The following ECM2 variants were observed in gnomAD, a reference collection of about 807,000 sequenced individuals.
ECM2 encodes the protein extracellular matrix protein 2, also known as extracellular matrix protein 2, female organ and adipocyte specific.
ECM2 carries 57 observed loss-of-function variants against 67.5 expected under a neutral mutation model. That is an observed-to-expected ratio of 0.84 (90% CI 0.68 to 1.05). The LOEUF (loss-of-function observed/expected upper bound fraction) is 1.05. Among genes scored for constraint, ECM2 ranks in the 50% least tolerant of loss-of-function variants. The probability of loss-of-function intolerance (pLI) is 0.00; values close to 1 mark genes in which losing one functional copy is unlikely to be tolerated. For missense variants in ECM2, 741 were observed against 822.8 expected, an observed-to-expected ratio of 0.90 and a Z score of 1.22; for synonymous variants, 258 against 294.5, an observed-to-expected ratio of 0.88 and a Z score of 1.27.
At chr9:92,533,328 A>AAAAAAAATATATATATATAT (rs1554683138) in intron 1 of ECM2, among the ~76,000 whole-genome samples, 7 of 38,326 alleles carry the variant, frequency 1.8e-4, no homozygotes, top group Admixed American at 3.4e-4. Context: ...AAAAAAAAAA[A>AAAAAAAATATATATATATAT]ATATATATAT....
the ECM2 span, among the ~76,000 whole-genome samples, chr9:92,542,234 T>A: frequency 6.6e-6 from 1 of 152,224 alleles, no homozygotes; most frequent in Non-Finnish European, 1.5e-5. Flanking sequence ...CTTTGCCTAT[T>A]TTCTTGATTG....
At chr9:92,531,720 T>A (rs998150755) in intron 1 of ECM2, among the ~76,000 whole-genome samples, 1 of 152,200 alleles carries the variant, frequency 6.6e-6, no homozygotes, top group African/African-American at 2.4e-5. Flanking sequence ...CCTAAACATT[T>A]ATCATTTTCC....
chr9:92,505,156 T>C (rs1846924008), intron 7 of ECM2, among the ~76,000 whole-genome samples: 1 of 152,244 alleles, frequency 6.6e-6, no homozygotes, highest in African/African-American at 2.4e-5. Flanking sequence ...GACACTCTGT[T>C]ACGGTTAATA....
chr9:92,496,456 A>C lies in ECM2; in HGVS notation c.1959T>G (p.Asn653Lys). The C allele has an allele frequency of 1.2e-6, 2 of 1,609,066 alleles. No homozygotes were observed. The highest frequency in any genetic ancestry group is 1.7e-6 in the Non-Finnish European group (2 of 1,178,856). The part of the protein sequence containing the change: ...IRNILPEEIC[N>K]AEEDDDSNLE... The stretch of plus-strand genomic sequence containing the variant: ...GATTTGAGTCATCATCCTCTTCAGC[A>C]TTGCAAATTTCTTCTGGAAGAATGT... Residue 653 changes from asparagine (N) to lysine (K), a missense_variant, in exon 10 of 10, where the codon AAT becomes AAG. Coordinates refer to ENST00000344604, the MANE Select transcript of ECM2 (RefSeq NM_001393.4).
In ECM2 at chr9:92,496,199, A is replaced by T; in HGVS notation, c.*116T>A. 1 of 1,421,986 alleles carries T rather than the reference A, an allele frequency of 7.0e-7. No individual in the cohort carries two copies. Among genetic ancestry groups the T allele is most frequent in the Non-Finnish European group, 9.1e-7 (1 of 1,096,280 alleles). 88.1% of individuals were successfully genotyped at this position (1,421,986 alleles called of 1,614,324 possible). ...ATCTGTGTGTTAGTGAATCAGGTTG[A>T]CTAGCATATAATGATACTGAGTATA... is the stretch of plus-strand genomic sequence containing the variant. On this transcript the variant is annotated 3_prime_UTR_variant, in exon 10 of 10. Transcript: ENST00000344604.
the ECM2 span, among the ~76,000 whole-genome samples, chr9:92,543,436 C>T: frequency 7.4e-6 from 1 of 135,290 alleles, no homozygotes; most frequent in South Asian, 2.4e-4. Context: ...CTCACCACTG[C>T]TCTCCAGCCT....
At position 92,495,655 on chromosome 9, in the gene ECM2, A is replaced by T. The variant is rs1289316578; in HGVS notation, c.*660T>A. 1 of 905,970 alleles carries T rather than the reference A, an allele frequency of 1.1e-6. No individual in the cohort carries two copies. The highest frequency in any genetic ancestry group is 1.8e-5 in the African/African-American group (1 of 55,568). The allele number at this position is 905,970 out of a possible 1,614,324, so 56.1% of individuals were successfully genotyped here. ...TAGAAAAGTTTCAAAAAGAGTATAG[A>T]ATTTATGCACACCCTTCTGCCAGCT... On this transcript the variant is annotated 3_prime_UTR_variant, in exon 10 of 10. Coordinates refer to ENST00000344604, the MANE Select transcript of ECM2 (RefSeq NM_001393.4).
chr9:92,494,909 AAATAAT>A (rs1014394868), downstream of ECM2, among the ~76,000 whole-genome samples: 3 of 152,132 alleles, frequency 2.0e-5, no homozygotes, highest in Admixed American at 1.3e-4. Flanking sequence ...CCGTCTAAAA[AAATAAT>A]AATAATAACA....
the ECM2 span, among the ~76,000 whole-genome samples, chr9:92,546,340 C>A: frequency 1.3e-5 from 2 of 152,320 alleles, no homozygotes; most frequent in African/African-American, 4.8e-5. Context: ...AGGTCCCCTT[C>A]CACTGTGTGG....
At chr9:92,544,835 C>A in the ECM2 span, among the ~76,000 whole-genome samples, 1 of 151,716 alleles carries the variant, frequency 6.6e-6, no homozygotes, top group Non-Finnish European at 1.5e-5. Context: ...CCTGCCTCAG[C>A]CTCCCCAGTA....
At position 92,522,556 on chromosome 9, in the gene ECM2, T is replaced by C. The variant is rs1848142296; in HGVS notation, c.292+19A>G. On this transcript the variant is annotated intron_variant, in intron 2 of 9. Coordinates refer to ENST00000344604, the MANE Select transcript of ECM2 (RefSeq NM_001393.4). ...ACCCTCCTCCCTCTTTCTGTCTCTCTCTCATAGTGTTCTCTTACCTGGTAA... is the reference window on the plus strand; with the variant it reads ...ACCCTCCTCCCTCTTTCTGTCTCTCCCTCATAGTGTTCTCTTACCTGGTAA... 1 of 1,582,022 alleles carries C rather than the reference T, an allele frequency of 6.3e-7. No individual in the cohort carries two copies. The highest frequency in any genetic ancestry group is 2.3e-5 in the East Asian group (1 of 44,340).
intron 4 of ECM2, among the ~76,000 whole-genome samples, chr9:92,512,487 C>T (rs1363749181): frequency 6.6e-6 from 1 of 152,130 alleles, no homozygotes; most frequent in East Asian, 1.9e-4. Flanking sequence ...TTTTATTCTT[C>T]ATATTTTCCC....
upstream of ECM2, chr9:92,538,934 A>G (rs1201950591): frequency 2.0e-5 from 3 of 152,226 alleles, no homozygotes; most frequent in Admixed American, 2.0e-4. Context: ...TAGAGTACCA[A>G]TAAATTGGGG....
At chr9:92,540,486 A>G (rs1027781247), upstream of ECM2, among the ~76,000 whole-genome samples, 17 of 151,758 alleles carry the variant, frequency 1.1e-4, no homozygotes, top group Admixed American at 2.6e-4. Context: ...AAAATAATCA[A>G]TGAAGGCTGG....
At position 92,510,224 on chromosome 9, in the gene ECM2, T is replaced by C. The variant is rs531042838; in HGVS notation, c.1171-190A>G. Among the ~76,000 whole-genome samples the C allele has an allele frequency of 3.3e-5, 5 of 152,312 alleles. No homozygotes were observed. The East Asian group carries it at 7.7e-4, about 23-fold the overall frequency. ...TATTGATCCTGGTAATAGCATTGAT[T>C]CTCAGGGATTTTCAGCAGACTACAT... On this transcript the variant is annotated intron_variant, in intron 5 of 9. Transcript: ENST00000344604.
intron 1 of ECM2, among the ~76,000 whole-genome samples, chr9:92,532,015 G>GTTTTTTTTTTTTTGTTT (rs71362397): frequency 1.0e-5 from 1 of 95,736 alleles, no homozygotes; most frequent in Non-Finnish European, 1.9e-5. Context: ...TTTATTTAAT[G>GTTTTTTTTTTTTTGTTT]TTTTTTTTTT....
At chr9:92,533,313 A>AT (rs1848934233) in intron 1 of ECM2, among the ~76,000 whole-genome samples, 51 of 94,182 alleles carry the variant, frequency 5.4e-4, no homozygotes, top group African/African-American at 2.2e-3. Context: ...CAAAAAAAAA[A>AT]AAAAAAAAAA....
intron 1 of ECM2, among the ~76,000 whole-genome samples, chr9:92,531,905 G>A (rs1848777900): frequency 6.6e-6 from 1 of 151,374 alleles, no homozygotes; most frequent in Admixed American, 6.6e-5. Flanking sequence ...TTTCAGCATT[G>A]TGAAGATACG....
chr9:92,517,791 C>G lies in ECM2; in HGVS notation c.377G>C (p.Cys126Ser). The change falls in exon 3 of 10, where the codon TGC (cysteine) becomes TCC (serine). Residue 126 changes from cysteine (C) to serine (S), a missense_variant. By Grantham distance (112) the Cys-to-Ser change is moderately radical. Transcript: ENST00000344604. ...ATCACAAAGAACTCTTCCATCTGAG[C>G]AGAGGCAGGTAGTGCAGGGCTCAGG... Reference protein sequence around the residue: ...WSPEPCTTCLCSDGRVLCDET... With the variant: ...WSPEPCTTCLSSDGRVLCDET... 2 of 1,614,198 alleles carry G rather than the reference C, an allele frequency of 1.2e-6. No individual in the cohort carries two copies. The highest frequency in any genetic ancestry group is 1.7e-6 in the Non-Finnish European group (2 of 1,180,046).
Sources: gnomAD v4.1 joint callset for allele counts (sites outside exome capture counted in the v4.1 genomes callset) on GRCh38, gnomAD v4.1.1 for gene constraint, MANE v1.5 for transcripts, NCBI Gene and HGNC (gene_info 2026-07-23, HGNC 2026-07-21) for gene names.